PPM1L: variants seen among roughly 807,000 people sequenced by gnomAD.
PPM1L encodes protein phosphatase 1L.
A neutral mutation model predicts 31.4 loss-of-function variants in PPM1L; 13 were observed. The ratio of observed to expected loss-of-function variants is 0.41; its 90% confidence interval spans 0.27 to 0.66. The LOEUF is 0.66. Among genes scored for constraint, PPM1L ranks in the 30% least tolerant of loss-of-function variants. The pLI, the probability that PPM1L is intolerant of heterozygous loss-of-function variation, is 0.29. For synonymous variants in PPM1L, 184 were observed against 175.4 expected, an observed-to-expected ratio of 1.05 and a Z score of -0.39; for missense variants, 326 against 453.7, an observed-to-expected ratio of 0.72 and a Z score of 2.56.
chr3:160,758,938 T>C (rs911817348), intron 1 of PPM1L, among the ~76,000 whole-genome samples: 2 of 152,252 alleles, frequency 1.3e-5, no homozygotes, highest in African/African-American at 4.8e-5. Context: ...CCTTATCGTA[T>C]GTAGCCAGTT....
chr3:160,822,469 CAA>C (rs1194837133), intron 1 of PPM1L, among the ~76,000 whole-genome samples: 3 of 151,866 alleles, frequency 2.0e-5, no homozygotes, highest in Admixed American at 6.6e-5. Context: ...ATATGTATAA[CAA>C]GAGTGTTTCT....
At chr3:160,884,687 CCA>C (rs1400103013) in intron 1 of PPM1L, among the ~76,000 whole-genome samples, 7 of 131,522 alleles carry the variant, frequency 5.3e-5, no homozygotes, top group African/African-American at 2.2e-4. Flanking sequence ...GGCACAGAGC[CCA>C]CATACAATGG....
chr3:160,949,392 C>T (rs886180252), intron 1 of PPM1L, among the ~76,000 whole-genome samples: 5 of 152,132 alleles, frequency 3.3e-5, no homozygotes, highest in Non-Finnish European at 5.9e-5. Context: ...TGAGATACAA[C>T]AGGCTGTGGC....
At chr3:160,953,161 C>G (rs959896934) in intron 1 of PPM1L, among the ~76,000 whole-genome samples, 1 of 152,112 alleles carries the variant, frequency 6.6e-6, no homozygotes, top group Admixed American at 6.5e-5. Context: ...TCAGGACCAA[C>G]ATTTACAACA....
intron 2 of PPM1L, among the ~76,000 whole-genome samples, chr3:161,036,947 C>T (rs933193155): frequency 3.3e-5 from 5 of 151,978 alleles, no homozygotes; most frequent in African/African-American, 1.2e-4. Flanking sequence ...ATTTTTGAAT[C>T]GTAAAAAAGG....
chr3:160,928,184 C>T (rs1463456621), intron 1 of PPM1L, among the ~76,000 whole-genome samples: 3 of 152,124 alleles, frequency 2.0e-5, no homozygotes, highest in Non-Finnish European at 4.4e-5. Flanking sequence ...TTTGTATGAC[C>T]TTGGATACGT....
Position 160,756,752 on chromosome 3 carries a change from CGTGTGT to C in PPM1L, c.399+78_399+83del, listed in dbSNP as rs113273287. On this transcript the variant is annotated intron_variant, in intron 1 of 3. Coordinates refer to ENST00000498165, the MANE Select transcript of PPM1L (RefSeq NM_139245.4). This position sits in a 1 kb window ranked among gnomAD's most constrained non-coding sequence, Gnocchi z 6.2. The stretch of plus-strand genomic sequence containing the variant: ...TTTGTATTTGTGTCCGTGTATGTCT[CGTGTGT>C]GTGTGTGTGTGTGTGTGTGTGTGTG... 7.5e-3 allele frequency: 7,607 copies of C among 1,015,678 alleles called. 28 individuals are homozygous for C. Among genetic ancestry groups the C allele is most frequent in the East Asian group, 0.032 (1,207 of 37,858 alleles). The allele number at this position is 1,015,678 out of a possible 1,614,324, so 62.9% of individuals were successfully genotyped here.
intron 3 of PPM1L, among the ~76,000 whole-genome samples, chr3:161,066,069 G>C (rs557354999): frequency 2.6e-5 from 4 of 152,318 alleles, no homozygotes; most frequent in Non-Finnish European, 5.9e-5. Context: ...CATCCTATGT[G>C]GACGTCTTGG....
At chr3:161,003,926 A>T (rs1717600139) in intron 2 of PPM1L, among the ~76,000 whole-genome samples, 2 of 150,294 alleles carry the variant, frequency 1.3e-5, no homozygotes, top group African/African-American at 5.0e-5. Flanking sequence ...CCCGTTTTCA[A>T]AGGGAATGCT....
At chr3:160,848,757 T>A (rs1714160558) in intron 1 of PPM1L, among the ~76,000 whole-genome samples, 1 of 152,214 alleles carries the variant, frequency 6.6e-6, no homozygotes, top group Admixed American at 6.5e-5. Context: ...TCACAAATGT[T>A]TTATGTCTAA....
Position 160,828,916 on chromosome 3 carries a change from T to A in PPM1L, c.399+72209T>A, listed in dbSNP as rs527707229. Among the ~76,000 whole-genome samples, 5 of 152,230 alleles carry A rather than the reference T, an allele frequency of 3.3e-5. No homozygotes were observed. The South Asian group carries it at 1.0e-3, about 32-fold the overall frequency. On this transcript the variant is annotated intron_variant, in intron 1 of 3. Transcript: ENST00000498165. ...ATATTCTGAGAAAATGCATAATTTT[T>A]AAAATAAAAACTCCTAATTCAAACA... is the stretch of plus-strand genomic sequence containing the variant.
At chr3:160,783,703 T>C (rs1453392806) in intron 1 of PPM1L, among the ~76,000 whole-genome samples, 1 of 152,178 alleles carries the variant, frequency 6.6e-6, no homozygotes, top group African/African-American at 2.4e-5. Context: ...GTTGACTTGA[T>C]TGACTAACAA....
At chr3:160,861,396 T>G (rs553994235) in intron 1 of PPM1L, among the ~76,000 whole-genome samples, 1 of 152,236 alleles carries the variant, frequency 6.6e-6, no homozygotes, top group African/African-American at 2.4e-5. Context: ...AAAAGCTAGA[T>G]TATCAAGTGC....
chr3:160,872,622 C>G (rs1328297145), intron 1 of PPM1L, among the ~76,000 whole-genome samples: 1 of 152,152 alleles, frequency 6.6e-6, no homozygotes, highest in Non-Finnish European at 1.5e-5. Context: ...TTTAGACATT[C>G]AAAATTTATA....
intron 1 of PPM1L, among the ~76,000 whole-genome samples, chr3:160,930,156 G>C (rs895379708): frequency 2.6e-5 from 4 of 152,004 alleles, no homozygotes; most frequent in African/African-American, 9.7e-5. Context: ...AAAACAGGTC[G>C]CAAAGTGTTT....
intron 2 of PPM1L, among the ~76,000 whole-genome samples, chr3:160,992,367 C>G (rs905442587): frequency 6.6e-6 from 1 of 152,142 alleles, no homozygotes; most frequent in African/African-American, 2.4e-5. Context: ...ACCATTATCT[C>G]TAAAACGGAG....
In PPM1L at chr3:160,835,472, C is replaced by G. The variant is rs557434892; in HGVS notation, c.399+78765C>G. Among the ~76,000 whole-genome samples, 3 of 152,144 alleles carry G rather than the reference C, an allele frequency of 2.0e-5. No homozygotes were observed. The South Asian group carries it at 6.2e-4, about 32-fold the overall frequency. On this transcript the variant is annotated intron_variant, in intron 1 of 3. Transcript: ENST00000498165. ...CTAAAATAACATACATAGCTCACCC[C>G]AATATTTCATGTAAATTCCCTTGTT...
intron 1 of PPM1L, among the ~76,000 whole-genome samples, chr3:160,899,958 T>C (rs1713483671): frequency 6.6e-6 from 1 of 152,180 alleles, no homozygotes; most frequent in Non-Finnish European, 1.5e-5. Flanking sequence ...AAGAATCTCC[T>C]ACTTGTATTT....
chr3:160,894,792 A>G (rs1576696273), intron 1 of PPM1L, among the ~76,000 whole-genome samples: 1 of 152,344 alleles, frequency 6.6e-6, no homozygotes, highest in South Asian at 2.1e-4. Flanking sequence ...AAGTATACTC[A>G]GTAACAAATC....
Sources: gnomAD v4.1 joint callset for allele counts (sites outside exome capture counted in the v4.1 genomes callset) on GRCh38, gnomAD v4.1.1 for gene constraint, Gnocchi (gnomAD v3.1) non-coding constraint, MANE v1.5 for transcripts, NCBI Gene and HGNC (gene_info 2026-07-23, HGNC 2026-07-21) for gene names.